ASXL2: variants seen among roughly 807,000 people sequenced by gnomAD.
ASXL2 encodes the protein putative Polycomb group protein ASXL2.
Under a neutral mutation model 122.0 loss-of-function variants are expected in ASXL2, and 23 were observed. The observed-to-expected ratio is 0.19, with a 90% CI of 0.14 to 0.27. The LOEUF (loss-of-function observed/expected upper bound fraction) is 0.27. ASXL2 is among the 10% of genes least tolerant of loss of function. The pLI is 1.00. For missense variants in ASXL2, 1,518 were observed against 1,713.8 expected, an observed-to-expected ratio of 0.89 and a Z score of 2.02; for synonymous variants, 650 against 637.0, an observed-to-expected ratio of 1.02 and a Z score of -0.31.
Position 25,806,218 on chromosome 2 carries a change from A to G in ASXL2, c.252+11T>C, listed in dbSNP as rs747846670. 1 of 1,567,572 alleles carries G rather than the reference A, an allele frequency of 6.4e-7. No individual in the cohort carries two copies. The highest frequency in any genetic ancestry group is 2.2e-5 in the East Asian group (1 of 44,574). On this transcript the variant is annotated intron_variant, in intron 4 of 12. Transcript: ENST00000435504. ...TTTTCTTTCTAAATGACTCCCCAAC[A>G]AAATATTTACCTTCAAAGTATATAC... is the stretch of plus-strand genomic sequence containing the variant.
chr2:25,834,816 A>C (rs1327344188), intron 3 of ASXL2, among the ~76,000 whole-genome samples: 1 of 151,862 alleles, frequency 6.6e-6, no homozygotes, highest in Non-Finnish European at 1.5e-5. Flanking sequence ...CATGCCCCTA[A>C]AGGATTTACC....
intron 3 of ASXL2, among the ~76,000 whole-genome samples, chr2:25,809,483 C>T (rs972597845): frequency 1.3e-5 from 2 of 152,112 alleles, no homozygotes; most frequent in African/African-American, 4.8e-5. Flanking sequence ...CTCTGTTTGG[C>T]TCTCAGTAAG....
At chr2:25,852,740 G>A (rs1172142554) in intron 1 of ASXL2, among the ~76,000 whole-genome samples, 2 of 152,164 alleles carry the variant, frequency 1.3e-5, no homozygotes, top group Non-Finnish European at 2.9e-5. Flanking sequence ...AGAAAACACT[G>A]CTGTTTCAGA....
At chr2:25,820,606 G>A (rs2089296542) in intron 3 of ASXL2, among the ~76,000 whole-genome samples, 1 of 152,172 alleles carries the variant, frequency 6.6e-6, no homozygotes, top group Admixed American at 6.5e-5. Context: ...GGAGGAGCCA[G>A]CATTACCCGT....
chr2:25,820,144 G>A (rs1264875821), intron 3 of ASXL2, among the ~76,000 whole-genome samples: 2 of 152,070 alleles, frequency 1.3e-5, no homozygotes, highest in Non-Finnish European at 2.9e-5. Context: ...TTGAACTCCT[G>A]CACTCAAGCA....
chr2:25,781,059 C>CAAAA (rs56394505), intron 5 of ASXL2, among the ~76,000 whole-genome samples: 20 of 109,874 alleles, frequency 1.8e-4, no homozygotes, highest in Non-Finnish European at 3.3e-4. Context: ...ACTCCATCTC[C>CAAAA]AAAAAAAAAA....
At position 25,756,047 on chromosome 2, in the gene ASXL2, G is replaced by A; in HGVS notation, c.1007C>T (p.Ala336Val). Residue 336 changes from alanine to valine, a missense_variant, in exon 10 of 13, where the codon GCC becomes GTC. Transcript: ENST00000435504. ...TGAGAGTCTTTCCTTCCAGCCTTGG[G>A]CTGCTGAAGTGAAGAATTCATTGTT... ...ALNNEFFTSAAQGWKERLSEG... is the reference protein window; with the variant it reads ...ALNNEFFTSAVQGWKERLSEG... 1 of 1,613,406 alleles carries A rather than the reference G, an allele frequency of 6.2e-7. No individual in the cohort carries two copies. The highest frequency in any genetic ancestry group is 8.5e-7 in the Non-Finnish European group (1 of 1,179,576).
At chr2:25,803,486 C>T (rs1172904202) in intron 4 of ASXL2, among the ~76,000 whole-genome samples, 1 of 152,114 alleles carries the variant, frequency 6.6e-6, no homozygotes, top group Non-Finnish European at 1.5e-5. Flanking sequence ...GAGCCCTCAA[C>T]CTGTGGAATC....
At chr2:25,799,287 G>T in intron 5 of ASXL2, 98 bp downstream of exon 5, 1 of 1,530,950 alleles carries the variant, frequency 6.5e-7, no homozygotes, top group Non-Finnish European at 9.0e-7. Flanking sequence ...GTAAGGGAAA[G>T]TGACTGACTG....
chr2:25,810,406 G>C, intron 3 of ASXL2: 1 of 687,400 alleles, frequency 1.5e-6, no homozygotes, highest in Non-Finnish European at 2.7e-6. Context: ...ACTCTGATCA[G>C]TAGCTTTTTC....
At chr2:25,808,601 G>A (rs902927374) in intron 3 of ASXL2, among the ~76,000 whole-genome samples, 14 of 152,146 alleles carry the variant, frequency 9.2e-5, no homozygotes, top group African/African-American at 3.4e-4. Flanking sequence ...CAGAGTGCTC[G>A]GATTACAGGT....
chr2:25,839,614 CTTTTT>C (rs35346359), intron 2 of ASXL2, among the ~76,000 whole-genome samples: 1 of 106,946 alleles, frequency 9.4e-6, no homozygotes, highest in African/African-American at 3.6e-5. Flanking sequence ...GAAATTCTAT[CTTTTT>C]TTTTTTTTTT....
At chr2:25,766,375 C>T (rs1249493923) in intron 8 of ASXL2, among the ~76,000 whole-genome samples, 1 of 152,102 alleles carries the variant, frequency 6.6e-6, no homozygotes, top group Admixed American at 6.5e-5. Context: ...ACACTCTGTT[C>T]TTCCTTTCTG....
intron 1 of ASXL2, among the ~76,000 whole-genome samples, chr2:25,852,649 A>G (rs982685116): frequency 1.3e-5 from 2 of 152,246 alleles, no homozygotes; most frequent in Admixed American, 6.5e-5. Context: ...CTTCTGCTAT[A>G]GAACAATATA....
intron 4 of ASXL2, among the ~76,000 whole-genome samples, chr2:25,800,115 G>A (rs1574422931): frequency 6.6e-6 from 1 of 152,040 alleles, no homozygotes; most frequent in African/African-American, 2.4e-5. Context: ...GCAACATGGT[G>A]AAACCCCACC....
chr2:25,821,849 T>C (rs2089315070), intron 3 of ASXL2, among the ~76,000 whole-genome samples: 1 of 152,242 alleles, frequency 6.6e-6, no homozygotes, highest in South Asian at 2.1e-4. Context: ...TTCATCTTTC[T>C]GCTGTTTCTG....
intron 1 of ASXL2, chr2:25,856,550 T>C (rs2089780923): frequency 8.8e-7 from 1 of 1,136,798 alleles, no homozygotes; most frequent in Non-Finnish European, 1.3e-6. Flanking sequence ...GTTGGTTGTA[T>C]TTCGCCAGAC....
intron 10 of ASXL2, among the ~76,000 whole-genome samples, chr2:25,755,015 G>A (rs761301319): frequency 1.3e-5 from 2 of 152,144 alleles, no homozygotes; most frequent in Admixed American, 1.3e-4. Flanking sequence ...GGATCTGACA[G>A]AAAATAAACA....
chr2:25,818,834 T>TTGTG (rs1246130315), intron 3 of ASXL2, among the ~76,000 whole-genome samples: 1 of 152,202 alleles, frequency 6.6e-6, no homozygotes, highest in African/African-American at 2.4e-5. Flanking sequence ...AATCCCTGCT[T>TTGTG]TGTGTACTCA....
Sources: gnomAD v4.1 joint callset for allele counts (sites outside exome capture counted in the v4.1 genomes callset) on GRCh38, gnomAD v4.1.1 for gene constraint, MANE v1.5 for transcripts, NCBI Gene and HGNC (gene_info 2026-07-23, HGNC 2026-07-21) for gene names.